DPP10: variants seen among roughly 807,000 people sequenced by gnomAD.
DPP10 encodes the protein inactive dipeptidyl peptidase 10.
In DPP10, 33 loss-of-function variants were observed where a neutral mutation model predicts 120.9. The observed-to-expected ratio is 0.27, with a 90% confidence interval of 0.21 to 0.37. The LOEUF is 0.37. Among genes scored for constraint, DPP10 ranks in the 10% least tolerant of loss-of-function variants. The pLI is 1.00. For synonymous variants in DPP10, 337 were observed against 326.1 expected (o/e 1.03, Z -0.36); for missense variants, 816 against 942.8 (o/e 0.87, Z 1.76).
chr2:114,845,970 C>G (rs184405428), intron 1 of DPP10, among the ~76,000 whole-genome samples: 1 of 152,054 alleles, frequency 6.6e-6, no homozygotes, highest in Non-Finnish European at 1.5e-5. Flanking sequence ...TGACATCTTC[C>G]TTTTGACTTA....
At chr2:115,713,590 A>G (rs892070218) in intron 7 of DPP10, among the ~76,000 whole-genome samples, 1 of 152,134 alleles carries the variant, frequency 6.6e-6, no homozygotes, top group African/African-American at 2.4e-5. Flanking sequence ...GGATTCATTG[A>G]AGCTCCTTGT....
chr2:114,751,852 T>G, intron 1 of DPP10, among the ~76,000 whole-genome samples: 1 of 152,246 alleles, frequency 6.6e-6, no homozygotes. Flanking sequence ...CATCCTTGAC[T>G]CTACACCAGT....
intron 2 of DPP10, among the ~76,000 whole-genome samples, chr2:115,320,974 C>T (rs1302702665): frequency 2.6e-5 from 4 of 152,004 alleles, no homozygotes; most frequent in East Asian, 1.9e-4. Context: ...ATTTGAGTGA[C>T]GATTTTGCTA....
chr2:115,166,551 T>C (rs1039177065), intron 1 of DPP10, among the ~76,000 whole-genome samples: 3 of 146,792 alleles, frequency 2.0e-5, no homozygotes, highest in African/African-American at 7.4e-5. Flanking sequence ...ATAATATAAA[T>C]ATATATTATA....
chr2:115,099,727 G>C (rs1259758429), intron 1 of DPP10, among the ~76,000 whole-genome samples: 1 of 152,168 alleles, frequency 6.6e-6, no homozygotes, highest in Non-Finnish European at 1.5e-5. Context: ...AGTGCATGCT[G>C]TCTCCTGGAG....
intron 1 of DPP10, among the ~76,000 whole-genome samples, chr2:114,505,840 C>T (rs1157552121): frequency 6.6e-6 from 1 of 152,172 alleles, no homozygotes; most frequent in Non-Finnish European, 1.5e-5. Context: ...TAGCTGTTTT[C>T]AAAACCGTAC....
At position 114,780,061 on chromosome 2, in the gene DPP10, G is replaced by A. The variant is rs769593053; in HGVS notation, c.60+337223G>A. ...TGAGGCAGGAGAATGGTGTGAACCC[G>A]GGAGGCGTAGCTTGCAGTGAGCCGA... is the stretch of plus-strand genomic sequence containing the variant. On this transcript the variant is annotated intron_variant, in intron 1 of 25. Transcript: ENST00000410059. 1.4e-4 allele frequency among the ~76,000 whole-genome samples: 22 copies of A among 151,982 alleles called. 1 individual carries two copies. Among genetic ancestry groups the A allele is most frequent in the Non-Finnish European group, 2.6e-4 (18 of 67,960 alleles).
rs186482648 is a variant in DPP10 at position 115,465,175 on chromosome 2, G to A, written c.272-34335G>A. Among the ~76,000 whole-genome samples the A allele has an allele frequency of 6.6e-5, 10 of 152,042 alleles. No individual in the cohort carries two copies. In the East Asian group the frequency reaches 7.7e-4, roughly 12 times the overall value. On this transcript the variant is annotated intron_variant, in intron 3 of 25. Coordinates refer to ENST00000410059, the MANE Select transcript of DPP10 (RefSeq NM_020868.6). The stretch of plus-strand genomic sequence containing the variant: ...TATTACTTATATAGGTATTGCCATC[G>A]ACACTTTGTAAGTTGTAGTAATACA...
At chr2:115,751,881 C>G (rs1253894962) in intron 10 of DPP10, among the ~76,000 whole-genome samples, 1 of 151,520 alleles carries the variant, frequency 6.6e-6, no homozygotes, top group Non-Finnish European at 1.5e-5. Flanking sequence ...TCACTGCAAC[C>G]TCTGCCTCCC....
At chr2:114,499,718 G>T (rs12151526) in intron 1 of DPP10, among the ~76,000 whole-genome samples, 38,767 of 152,114 alleles carry the variant, frequency 0.25, 6,215 homozygotes, top group Admixed American at 0.4. Context: ...ACTATAAGTA[G>T]ATTAAAACAG....
intron 3 of DPP10, among the ~76,000 whole-genome samples, chr2:115,402,854 A>AAATATATATAT (rs1476901026): frequency 5.1e-5 from 5 of 97,668 alleles, no homozygotes; most frequent in African/African-American, 7.9e-5. Context: ...AAAAAAAAAA[A>AAATATATATAT]ATATATATAT....
At chr2:115,489,513 C>T (rs950946806) in intron 3 of DPP10, among the ~76,000 whole-genome samples, 3 of 151,648 alleles carry the variant, frequency 2.0e-5, no homozygotes, top group African/African-American at 7.3e-5. Context: ...ACAAGAATAA[C>T]AAAACAGTCC....
intron 5 of DPP10, among the ~76,000 whole-genome samples, chr2:115,562,941 G>A (rs144354111): frequency 1.2e-3 from 178 of 152,206 alleles, no homozygotes; most frequent in African/African-American, 3.6e-3. Context: ...ATATCTTCCC[G>A]GTCAGGAAAG....
chr2:115,467,532 A>T (rs556923758), intron 3 of DPP10, among the ~76,000 whole-genome samples: 1 of 151,542 alleles, frequency 6.6e-6, no homozygotes. Flanking sequence ...AGCCGAGATC[A>T]CACCATTGCA....
intron 1 of DPP10, among the ~76,000 whole-genome samples, chr2:114,633,248 C>CTTTT (rs35372708): frequency 0.025 from 1,851 of 72,754 alleles, no homozygotes; most frequent in Non-Finnish European, 0.033. Flanking sequence ...GTTTTTCTTT[C>CTTTT]TTTTTTTTTT....
At chr2:114,729,777 A>G (rs936118566) in intron 1 of DPP10, among the ~76,000 whole-genome samples, 1 of 152,236 alleles carries the variant, frequency 6.6e-6, no homozygotes, top group African/African-American at 2.4e-5. Flanking sequence ...TCCTCAAACA[A>G]TATCTTGCTA....
chr2:115,717,559 TG>T (rs1430087058), intron 7 of DPP10, among the ~76,000 whole-genome samples: 1 of 152,094 alleles, frequency 6.6e-6, no homozygotes, highest in Non-Finnish European at 1.5e-5. Context: ...CTTAGGTTTT[TG>T]TGAGTGCTTA....
Position 115,815,716 on chromosome 2 carries a change from G to A in DPP10, c.1937G>A (p.Ser646Asn). Reference protein sequence around the residue: ...KLPYIDSKRLSIFGKGYGGYI... With the variant: ...KLPYIDSKRLNIFGKGYGGYI... ...CCTTACATTGACTCCAAAAGATTAA[G>A]CATTTTTGGAAAGGTAAATAGTAGA... Residue 646 changes from serine to asparagine, a missense_variant, in exon 21 of 26, where the codon AGC becomes AAC. Around this residue, in one of 3 missense-constraint regions of DPP10, gnomAD observed 592 missense variants for 649.0 expected, o/e 0.91. Coordinates refer to ENST00000410059, the MANE Select transcript of DPP10 (RefSeq NM_020868.6). 6.3e-7 allele frequency: 1 copy of A among 1,598,982 alleles called. No individual in the cohort carries two copies. Among genetic ancestry groups the A allele is most frequent in the Non-Finnish European group, 8.5e-7 (1 of 1,171,082 alleles).
chr2:115,161,026 C>T (rs1034472524), intron 1 of DPP10: 1 of 152,170 alleles, frequency 6.6e-6, no homozygotes, highest in South Asian at 2.1e-4. Flanking sequence ...CTACACGTGT[C>T]CAGGAAGAAA....
Sources: allele counts gnomAD v4.1 joint callset (sites outside exome capture counted in the v4.1 genomes callset), GRCh38; gene constraint gnomAD v4.1.1; regional missense constraint gnomAD v4.1.1; transcripts MANE v1.5; gene names NCBI Gene and HGNC (gene_info 2026-07-23, HGNC 2026-07-21).